AGO2: variants seen among roughly 807,000 people sequenced by gnomAD.
AGO2 encodes argonaute RISC catalytic component 2, also known as protein argonaute-2.
In AGO2, 5 loss-of-function variants were observed where a neutral mutation model predicts 102.3. That is an observed-to-expected ratio of 0.05 (90% CI 0.03 to 0.10). The LOEUF is 0.10. Among genes scored for constraint, AGO2 ranks in the 10% least tolerant of loss-of-function variants. The pLI is 1.00. For missense variants in AGO2, 541 were observed against 1,183.7 expected, an observed-to-expected ratio of 0.46 and a Z score of 7.97; for synonymous variants, 449 against 473.1, an observed-to-expected ratio of 0.95 and a Z score of 0.66.
chr8:140,560,283 G>A (rs957073509), intron 5 of AGO2, 91 bp downstream of exon 5: 2 of 1,531,586 alleles, frequency 1.3e-6, no homozygotes, highest in African/African-American at 1.4e-5. Context: ...CATGCGTGGA[G>A]CTGGCCACAT....
At chr8:140,581,483 C>T (rs1374483277) in intron 2 of AGO2, among the ~76,000 whole-genome samples, 1 of 152,068 alleles carries the variant, frequency 6.6e-6, no homozygotes, top group African/African-American at 2.4e-5. Flanking sequence ...CATGCCACTG[C>T]ACTCCAACCT....
intron 10 of AGO2, among the ~76,000 whole-genome samples, chr8:140,553,534 C>T (rs1482848451): frequency 2.0e-5 from 3 of 151,800 alleles, no homozygotes; most frequent in East Asian, 1.9e-4. Flanking sequence ...CTCAGCCTCC[C>T]GAGTAGCTGG....
chr8:140,615,318 C>G (rs1412906292), intron 1 of AGO2, among the ~76,000 whole-genome samples: 1 of 152,262 alleles, frequency 6.6e-6, no homozygotes, highest in African/African-American at 2.4e-5. Context: ...ATAATGGAGA[C>G]AGCCCCCTGG....
intron 1 of AGO2, among the ~76,000 whole-genome samples, chr8:140,611,129 C>CTAAGG (rs2074071444): frequency 6.6e-6 from 1 of 152,154 alleles, no homozygotes; most frequent in Non-Finnish European, 1.5e-5. Flanking sequence ...TTTCCCTGTG[C>CTAAGG]TGACATTTGC....
At position 140,524,538 on chromosome 8, in the gene AGO2, G is replaced by C. The variant is rs924175014; in HGVS notation, c.*7506C>G. The C allele has an allele frequency of 1.3e-5, 2 of 152,276 alleles. No individual in the cohort carries two copies. Among genetic ancestry groups the C allele is most frequent in the African/African-American group, 4.8e-5 (2 of 41,472 alleles). 9.4% of individuals were successfully genotyped at this position (152,276 alleles called of 1,614,324 possible). On this transcript the variant is annotated 3_prime_UTR_variant, in exon 19 of 19. Transcript: ENST00000220592. Reference sequence around the variant, plus strand: ...CTTCCAAGGCTGGAGGTCCACGCCTGCCTTGTGGAATGGCACAGGCTTAGT... The same window carrying C: ...CTTCCAAGGCTGGAGGTCCACGCCTCCCTTGTGGAATGGCACAGGCTTAGT...
At chr8:140,552,642 TCA>T (rs2073017310) in intron 10 of AGO2, among the ~76,000 whole-genome samples, 1 of 152,074 alleles carries the variant, frequency 6.6e-6, no homozygotes, top group African/African-American at 2.4e-5. Flanking sequence ...TGCAAGAGTC[TCA>T]CAGACAGCCT....
At position 140,530,003 on chromosome 8, in the gene AGO2, T is replaced by G. The variant is rs1464607158; in HGVS notation, c.*2041A>C. 1 of 152,088 alleles carries G rather than the reference T, an allele frequency of 6.6e-6. No individual in the cohort carries two copies. The highest frequency in any genetic ancestry group is 1.5e-5 in the Non-Finnish European group (1 of 68,040). 9.4% of individuals were successfully genotyped at this position (152,088 alleles called of 1,614,324 possible). A position where few individuals can be genotyped will look rare whatever the true frequency, so the allele number is the denominator to read the frequency against. On this transcript the variant is annotated 3_prime_UTR_variant, in exon 19 of 19. Transcript: ENST00000220592. Reference sequence around the variant, plus strand: ...AGCTACGAGCATGTCTGTATCCTTCTGAAAACAGGAGAAAGTGCCACTTGC... The same window carrying G: ...AGCTACGAGCATGTCTGTATCCTTCGGAAAACAGGAGAAAGTGCCACTTGC...
chr8:140,544,821 C>A (rs562785270), intron 13 of AGO2, among the ~76,000 whole-genome samples: 1 of 152,342 alleles, frequency 6.6e-6, no homozygotes, highest in South Asian at 2.1e-4. Flanking sequence ...CGTCCCCTGG[C>A]AGCAAAACCA....
At chr8:140,619,968 C>T (rs2074196946) in intron 1 of AGO2, among the ~76,000 whole-genome samples, 1 of 152,138 alleles carries the variant, frequency 6.6e-6, no homozygotes, top group Non-Finnish European at 1.5e-5. Context: ...TGCATCCAGA[C>T]CTGTGTTTCT....
At chr8:140,546,171 T>C (rs2072896820) in intron 13 of AGO2, among the ~76,000 whole-genome samples, 2 of 152,206 alleles carry the variant, frequency 1.3e-5, no homozygotes, top group South Asian at 2.1e-4. Flanking sequence ...CTCATTCCCA[T>C]GAACCTGTTT....
intron 1 of AGO2, among the ~76,000 whole-genome samples, chr8:140,587,343 C>T (rs2073674702): frequency 6.6e-6 from 1 of 152,272 alleles, no homozygotes; most frequent in African/African-American, 2.4e-5. Flanking sequence ...CACGTGAAGG[C>T]ACGTGGAATA....
At chr8:140,556,796 C>G (rs572227717) in intron 8 of AGO2, among the ~76,000 whole-genome samples, 1 of 152,150 alleles carries the variant, frequency 6.6e-6, no homozygotes, top group Non-Finnish European at 1.5e-5. Flanking sequence ...GAGTGAATGA[C>G]GCAACGGTGC....
At chr8:140,628,168 G>C (rs1003679865) in intron 1 of AGO2, among the ~76,000 whole-genome samples, 1 of 152,220 alleles carries the variant, frequency 6.6e-6, no homozygotes, top group Non-Finnish European at 1.5e-5. Context: ...CTGCTCCCCC[G>C]GCCGCAGCGC....
intron 1 of AGO2, among the ~76,000 whole-genome samples, chr8:140,587,630 G>A (rs540240067): frequency 6.6e-6 from 1 of 152,346 alleles, no homozygotes; most frequent in African/African-American, 2.4e-5. Flanking sequence ...ATGACAAGAA[G>A]GGCACTGGAT....
chr8:140,583,089 A>T (rs567423059), intron 2 of AGO2, among the ~76,000 whole-genome samples: 4 of 152,306 alleles, frequency 2.6e-5, no homozygotes, highest in African/African-American at 9.6e-5. Context: ...AAGGAGAGAA[A>T]GAGTGATTTC....
chr8:140,605,113 T>G (rs554396035), intron 1 of AGO2, among the ~76,000 whole-genome samples: 1 of 152,240 alleles, frequency 6.6e-6, no homozygotes, highest in Non-Finnish European at 1.5e-5. Flanking sequence ...TTCTTCTTTT[T>G]GAGGTGGGGT....
At chr8:140,577,000 G>A (rs1489738266) in intron 2 of AGO2, among the ~76,000 whole-genome samples, 1 of 152,100 alleles carries the variant, frequency 6.6e-6, no homozygotes, top group African/African-American at 2.4e-5. Flanking sequence ...GAGATCAGGA[G>A]ATCGAGACCA....
In AGO2 at chr8:140,520,544, T is replaced by TC. The variant is rs2072398896; in HGVS notation, c.*11499dup. The TC allele has an allele frequency of 6.6e-6, 1 of 152,168 alleles. No individual in the cohort carries two copies. Among genetic ancestry groups the TC allele is most frequent in the African/African-American group, 2.4e-5 (1 of 41,426 alleles). The allele number at this position is 152,168 out of a possible 1,614,324, so 9.4% of individuals were successfully genotyped here. The stretch of plus-strand genomic sequence containing the variant: ...GTTTTATCTTGACAATCAAGACCAC[T>TC]CCCCATCTGTTCAGTTTCGGGTGAG... On this transcript the variant is annotated 3_prime_UTR_variant, in exon 19 of 19. Coordinates refer to ENST00000220592, the MANE Select transcript of AGO2 (RefSeq NM_012154.5).
intron 1 of AGO2, among the ~76,000 whole-genome samples, chr8:140,603,582 T>C (rs2073958725): frequency 6.6e-6 from 1 of 152,210 alleles, no homozygotes; most frequent in Non-Finnish European, 1.5e-5. Flanking sequence ...TCTGTCTCAA[T>C]GGCTCTGCCT....
Sources: gnomAD v4.1 joint callset for allele counts (sites outside exome capture counted in the v4.1 genomes callset) on GRCh38, gnomAD v4.1.1 for gene constraint, MANE v1.5 for transcripts, NCBI Gene and HGNC (gene_info 2026-07-23, HGNC 2026-07-21) for gene names.